Variants in GLI3 observed in about 807,000 individuals in gnomAD.
The protein encoded by GLI3 is GLI family zinc finger 3, also known as transcription activator GLI3.
A neutral mutation model predicts 100.8 loss-of-function variants in GLI3; 20 were observed. The observed-to-expected ratio is 0.20, with a 90% CI of 0.14 to 0.29. GLI3 has a LOEUF of 0.29. Ranked by LOEUF, GLI3 falls within the 10% of genes least tolerant of loss-of-function variation. The probability of loss-of-function intolerance (pLI) is 1.00; values close to 1 mark genes in which losing one functional copy is unlikely to be tolerated. For missense variants in GLI3, 2,040 were observed against 2,128.5 expected (o/e 0.96, Z 0.82); for synonymous variants, 938 against 860.5 (o/e 1.09, Z -1.58).
At chr7:42,138,391 T>C (rs1266415975) in intron 3 of GLI3, among the ~76,000 whole-genome samples, 2 of 152,130 alleles carry the variant, frequency 1.3e-5, no homozygotes, top group East Asian at 3.9e-4. Context: ...TAAAAATGCA[T>C]CTCACAGACC....
At chr7:42,246,410 G>A (rs557138158) in intron 1 of GLI3, among the ~76,000 whole-genome samples, 46 of 152,128 alleles carry the variant, frequency 3.0e-4, no homozygotes, top group Non-Finnish European at 5.9e-4. Context: ...AACATACTCT[G>A]TATGCAGGAA....
At chr7:42,079,740 G>A (rs1784960180) in intron 3 of GLI3, among the ~76,000 whole-genome samples, 1 of 152,188 alleles carries the variant, frequency 6.6e-6, no homozygotes, top group African/African-American at 2.4e-5. Flanking sequence ...ATGGCTTTTG[G>A]CTGTGTTCTG....
chr7:42,097,902 C>T (rs969096090), intron 3 of GLI3, among the ~76,000 whole-genome samples: 2 of 152,168 alleles, frequency 1.3e-5, no homozygotes, highest in African/African-American at 4.8e-5. Context: ...CATCTACCAG[C>T]TGCTTCCTGT....
intron 4 of GLI3, among the ~76,000 whole-genome samples, chr7:42,074,994 G>A (rs948807289): frequency 2.6e-5 from 4 of 152,082 alleles, no homozygotes; most frequent in Admixed American, 1.3e-4. Flanking sequence ...CTCTGCCTAC[G>A]AGGATGGTCC....
At chr7:42,087,869 C>G (rs1316048693) in intron 3 of GLI3, among the ~76,000 whole-genome samples, 2 of 152,104 alleles carry the variant, frequency 1.3e-5, no homozygotes, top group East Asian at 3.9e-4. Context: ...AACTCTGAAC[C>G]CTCACTGTCT....
chr7:41,991,131 T>C (rs924943411), intron 10 of GLI3, among the ~76,000 whole-genome samples: 1 of 152,222 alleles, frequency 6.6e-6, no homozygotes, highest in Non-Finnish European at 1.5e-5. Context: ...CCATTGGATC[T>C]TATCCAAGGT....
intron 1 of GLI3, among the ~76,000 whole-genome samples, chr7:42,233,911 T>C (rs967096696): frequency 6.6e-6 from 1 of 152,186 alleles, no homozygotes; most frequent in Non-Finnish European, 1.5e-5. Flanking sequence ...TCCTATAAAG[T>C]CATTTCAGCA....
At chr7:42,159,562 T>A (rs1431726942) in intron 2 of GLI3, among the ~76,000 whole-genome samples, 1 of 152,196 alleles carries the variant, frequency 6.6e-6, no homozygotes, top group African/African-American at 2.4e-5. Flanking sequence ...GACTACTTCT[T>A]AAAATGCACT....
rs780973618 is a variant in GLI3 at position 41,978,588 on chromosome 7, T to C, written c.1647+11A>G. On this transcript the variant is annotated intron_variant, in intron 11 of 14. Coordinates refer to ENST00000395925, the MANE Select transcript of GLI3 (RefSeq NM_000168.6). ...GACCCAAGTGTGCCTGCCACCCACTTCTGTACTCACAGTGCATTTGTGAGG... is the reference window on the plus strand; with the variant it reads ...GACCCAAGTGTGCCTGCCACCCACTCCTGTACTCACAGTGCATTTGTGAGG... 1.1e-5 allele frequency: 18 copies of C among 1,614,000 alleles called. No homozygotes were observed. The highest frequency in any genetic ancestry group is 1.4e-5 in the Non-Finnish European group (16 of 1,179,870).
At chr7:42,241,237 G>A (rs762385525), upstream of GLI3, among the ~76,000 whole-genome samples, 3 of 152,180 alleles carry the variant, frequency 2.0e-5, no homozygotes, top group South Asian at 2.1e-4. Context: ...TTAGGCAACC[G>A]AGGAAGGTGG....
At chr7:42,007,221 T>TAA (rs1788482484) in intron 10 of GLI3, among the ~76,000 whole-genome samples, 14 of 25,216 alleles carry the variant, frequency 5.6e-4, no homozygotes, top group African/African-American at 1.1e-3. Context: ...AGGAGGAAAT[T>TAA]TAAAAAAAAA....
In GLI3 at chr7:41,964,313, T is replaced by G. The variant is rs1379413319; in HGVS notation, c.*17A>C. On this transcript the variant is annotated 3_prime_UTR_variant, in exon 15 of 15. Transcript: ENST00000395925. ...TCCTATTGATTTCCGTTGGTTGCAG[T>G]CTTTTTTTCCTAAAGCCTATTGCAT... 1 of 1,611,748 alleles carries G rather than the reference T, an allele frequency of 6.2e-7. No homozygotes were observed. Among genetic ancestry groups the G allele is most frequent in the Non-Finnish European group, 8.5e-7 (1 of 1,177,860 alleles).
intron 3 of GLI3, among the ~76,000 whole-genome samples, chr7:42,139,173 C>CT (rs143104495): frequency 6.0e-4 from 89 of 149,100 alleles, no homozygotes; most frequent in Middle Eastern, 3.5e-3. Flanking sequence ...AAACTCAATG[C>CT]TTTTTTTTTT....
chr7:42,145,279 G>A (rs780701456), intron 3 of GLI3: 71 of 297,348 alleles, frequency 2.4e-4, no homozygotes, highest in Non-Finnish European at 3.6e-4. Context: ...CTTAGTTTAG[G>A]ATGTCTTTAA....
chr7:42,180,098 C>T (rs968899909), intron 2 of GLI3, among the ~76,000 whole-genome samples: 4 of 152,132 alleles, frequency 2.6e-5, no homozygotes, highest in African/African-American at 9.7e-5. Context: ...TGTGCTCTCC[C>T]ATGTGCAGGA....
chr7:42,076,438 T>C (rs2128751630), intron 4 of GLI3, among the ~76,000 whole-genome samples: 1 of 152,350 alleles, frequency 6.6e-6, no homozygotes, highest in South Asian at 2.1e-4. Flanking sequence ...GTCGACCAAA[T>C]ACATATTCTG....
intron 3 of GLI3, among the ~76,000 whole-genome samples, chr7:42,098,793 T>C (rs1785395688): frequency 6.6e-6 from 1 of 152,040 alleles, no homozygotes; most frequent in African/African-American, 2.4e-5. Context: ...AAAACGGAAA[T>C]AAAATGGGCC....
chr7:42,260,146 A>T (rs778832030), intron 1 of GLI3, among the ~76,000 whole-genome samples: 2 of 152,228 alleles, frequency 1.3e-5, no homozygotes, highest in African/African-American at 4.8e-5. Context: ...AGCAAATCAC[A>T]CTGGCTAGAG....
At chr7:42,252,530 A>T (rs1789043678) in intron 1 of GLI3, among the ~76,000 whole-genome samples, 1 of 152,232 alleles carries the variant, frequency 6.6e-6, no homozygotes, top group African/African-American at 2.4e-5. Context: ...TAGTGCACAG[A>T]GGGACTCCTC....
Sources: gnomAD v4.1 joint callset for allele counts (sites outside exome capture counted in the v4.1 genomes callset) on GRCh38, gnomAD v4.1.1 for gene constraint, MANE v1.5 for transcripts, NCBI Gene and HGNC (gene_info 2026-07-23, HGNC 2026-07-21) for gene names.